Variants in CLNS1A observed in about 807,000 individuals in gnomAD.
CLNS1A encodes the protein methylosome subunit pICln.
A neutral mutation model predicts 29.4 loss-of-function variants in CLNS1A; 16 were observed. The observed-to-expected ratio is 0.54, with a 90% confidence interval of 0.37 to 0.83. The LOEUF (loss-of-function observed/expected upper bound fraction) is 0.83, where lower values mean the gene tolerates loss of function less well. Among genes scored for constraint, CLNS1A ranks in the 40% least tolerant of loss-of-function variants. The probability of loss-of-function intolerance (pLI) is 0.00; values close to 1 mark genes in which losing one functional copy is unlikely to be tolerated. For missense variants in CLNS1A, 235 were observed against 287.4 expected, an observed-to-expected ratio of 0.82 and a Z score of 1.32; for synonymous variants, 96 against 104.8, an observed-to-expected ratio of 0.92 and a Z score of 0.51.
chr11:77,615,642 G>C lies in CLNS1A; in HGVS notation c.*1076C>G, dbSNP rs568782686. The C allele has an allele frequency of 6.6e-6, 1 of 152,250 alleles. No individual in the cohort carries two copies. Among genetic ancestry groups the C allele is most frequent in the South Asian group, 2.1e-4 (1 of 4,822 alleles). The allele number at this position is 152,250 out of a possible 1,614,324, so 9.4% of individuals were successfully genotyped here. On this transcript the variant is annotated 3_prime_UTR_variant, in exon 7 of 7. Transcript: ENST00000525428. ...TTGTTAACAGACTCAGAAATTCTGA[G>C]AGTCTGGTTAGAAAAAGGAAAATTC...
At chr11:77,627,355 C>T (rs1221263136) in intron 2 of CLNS1A, among the ~76,000 whole-genome samples, 1 of 150,876 alleles carries the variant, frequency 6.6e-6, no homozygotes, top group Non-Finnish European at 1.5e-5. Flanking sequence ...AGAAGAATCG[C>T]TTGAACCCAG....
At chr11:77,616,943 C>T (rs533101002) in intron 6 of CLNS1A, among the ~76,000 whole-genome samples, 2 of 152,176 alleles carry the variant, frequency 1.3e-5, no homozygotes, top group African/African-American at 2.4e-5. Flanking sequence ...ATTAACGTGC[C>T]GTCTCCACCC....
At chr11:77,629,250 G>A (rs1467449880) in intron 2 of CLNS1A, among the ~76,000 whole-genome samples, 1 of 152,164 alleles carries the variant, frequency 6.6e-6, no homozygotes, top group Non-Finnish European at 1.5e-5. Flanking sequence ...TGTAAATATA[G>A]AGAAATATAT....
rs770943692 is a variant in CLNS1A, at chr11:77,622,577, C to T, written c.569G>A (p.Gly190Glu). The T allele has an allele frequency of 6.2e-7, 1 of 1,613,702 alleles. No homozygotes were observed. The highest frequency in any genetic ancestry group is 8.5e-7 in the Non-Finnish European group (1 of 1,179,884). Reference sequence around the variant, plus strand: ...GCTGCTCACAGACTGAGAAAGCATTCCTTCTAATCTCTCCAGTGTGGCTTG... The same window carrying T: ...GCTGCTCACAGACTGAGAAAGCATTTCTTCTAATCTCTCCAGTGTGGCTTG... ...EGQATLERLE[G>E]MLSQSVSSQY... Residue 190 changes from glycine to glutamate, a missense_variant, in exon 5 of 7, where the codon GGA becomes GAA. Transcript: ENST00000525428.
chr11:77,632,799 T>A (rs879639919), intron 1 of CLNS1A, among the ~76,000 whole-genome samples: 9 of 152,146 alleles, frequency 5.9e-5, no homozygotes, highest in Non-Finnish European at 1.0e-4. Flanking sequence ...GATTTGACAT[T>A]ATAAGCCGAG....
At chr11:77,636,824 TC>T (rs1959130407) in intron 1 of CLNS1A, among the ~76,000 whole-genome samples, 1 of 152,072 alleles carries the variant, frequency 6.6e-6, no homozygotes, top group South Asian at 2.1e-4. Flanking sequence ...ATTCGATGTG[TC>T]ATTACAGGCT....
chr11:77,621,339 T>C (rs1958956352), intron 5 of CLNS1A, among the ~76,000 whole-genome samples: 1 of 151,650 alleles, frequency 6.6e-6, no homozygotes, highest in Non-Finnish European at 1.5e-5. Flanking sequence ...TCAGTGTATA[T>C]ACACACACAA....
chr11:77,630,787 CA>C (rs1017321584), intron 1 of CLNS1A, among the ~76,000 whole-genome samples: 27 of 146,618 alleles, frequency 1.8e-4, no homozygotes, highest in African/African-American at 4.0e-4. Flanking sequence ...CTGAAGAAGT[CA>C]AAAAAAAAAT....
intron 1 of CLNS1A, among the ~76,000 whole-genome samples, chr11:77,630,501 G>A (rs1303842375): frequency 6.6e-6 from 1 of 152,180 alleles, no homozygotes; most frequent in Non-Finnish European, 1.5e-5. Context: ...TGAAATGGCT[G>A]TAATCACACT....
chr11:77,629,464 G>A (rs1792828), intron 2 of CLNS1A, among the ~76,000 whole-genome samples: 1 of 151,224 alleles, frequency 6.6e-6, no homozygotes, highest in Non-Finnish European at 1.5e-5. Flanking sequence ...CATGATCTCG[G>A]CTCACTACAA....
intron 4 of CLNS1A, 26 bp downstream of exon 4, chr11:77,624,934 AAAC>A: frequency 6.8e-7 from 1 of 1,470,524 alleles, no homozygotes; most frequent in South Asian, 1.2e-5. Flanking sequence ...AACAAACAAA[AAAC>A]CCACTTTAAA....
intron 6 of CLNS1A, among the ~76,000 whole-genome samples, chr11:77,618,852 T>C (rs577592315): frequency 6.6e-6 from 1 of 152,360 alleles, no homozygotes; most frequent in African/African-American, 2.4e-5. Context: ...ATAACTTAAC[T>C]GGATGACTGA....
At position 77,637,683 on chromosome 11, in the gene CLNS1A, C is replaced by T. The variant is rs200664728; in HGVS notation, c.32G>A (p.Gly11Glu). Residue 11 changes from glycine to glutamate, a missense_variant, in exon 1 of 7, where the codon GGG (glycine) becomes GAG (glutamate). Transcript: ENST00000525428. Reference protein sequence around the residue: MSFLKSFPPPGPAEGLLRQQP... With the variant: MSFLKSFPPPEPAEGLLRQQP... The stretch of plus-strand genomic sequence containing the variant: ...CTGCCGCAGGAGCCCCTCCGCTGGC[C>T]CAGGCGGCGGGAAACTTTTGAGGAA... 7 of 1,563,264 alleles carry T rather than the reference C, an allele frequency of 4.5e-6. No homozygotes were observed. In the African/African-American group the frequency reaches 9.5e-5, roughly 21 times the overall value.
chr11:77,628,111 A>G (rs1005512754), intron 2 of CLNS1A, among the ~76,000 whole-genome samples: 1 of 152,204 alleles, frequency 6.6e-6, no homozygotes, highest in African/African-American at 2.4e-5. Flanking sequence ...GGTTTGAGCC[A>G]CTGTGCCCGG....
intron 1 of CLNS1A, among the ~76,000 whole-genome samples, 186 bp from the exon 2 acceptor site, chr11:77,630,085 G>T (rs1959059751): frequency 6.6e-6 from 1 of 152,146 alleles, no homozygotes; most frequent in African/African-American, 2.4e-5. Context: ...GATCAATTCT[G>T]TTACGGTCTC....
intron 1 of CLNS1A, among the ~76,000 whole-genome samples, chr11:77,635,872 ATTTTG>A (rs1300219244): frequency 6.6e-6 from 1 of 152,110 alleles, no homozygotes; most frequent in Admixed American, 6.6e-5. Flanking sequence ...TGCTCTTCAC[ATTTTG>A]TTTTGACTGC....
intron 1 of CLNS1A, among the ~76,000 whole-genome samples, chr11:77,636,902 T>C (rs1193467025): frequency 1.3e-5 from 2 of 152,074 alleles, no homozygotes; most frequent in Non-Finnish European, 2.9e-5. Flanking sequence ...ATATTTACGG[T>C]AGATCTATCT....
Position 77,631,243 on chromosome 11 carries a change from A to C in CLNS1A, c.126-1344T>G, listed in dbSNP as rs554785769. Among the ~76,000 whole-genome samples, 4 of 152,194 alleles carry C rather than the reference A, an allele frequency of 2.6e-5. No individual in the cohort carries two copies. The South Asian group carries it at 8.3e-4, about 32-fold the overall frequency. On this transcript the variant is annotated intron_variant, in intron 1 of 6. Transcript: ENST00000525428. ...ATGACCCTCAGTTACCGAAAGCATT[A>C]CCAAAAACAAAGGCAGATTATTAGA...
At chr11:77,637,338 GA>G (rs57598480) in intron 1 of CLNS1A, among the ~76,000 whole-genome samples, 40,943 of 107,260 alleles carry the variant, frequency 0.38, 6,775 homozygotes, top group East Asian at 0.44. Flanking sequence ...AGGAAAAAAA[GA>G]AAAAAAAAAA....
Sources: allele counts gnomAD v4.1 joint callset (sites outside exome capture counted in the v4.1 genomes callset), GRCh38; gene constraint gnomAD v4.1.1; transcripts MANE v1.5; gene names NCBI Gene and HGNC (gene_info 2026-07-23, HGNC 2026-07-21).